The following ZFYVE1 variants were observed in gnomAD, a reference collection of about 807,000 sequenced individuals.
ZFYVE1 encodes zinc finger FYVE-type containing 1.
In ZFYVE1, 30 loss-of-function variants were observed where a neutral mutation model predicts 74.4. That is an observed-to-expected ratio of 0.40 (90% confidence interval 0.30 to 0.55). The LOEUF is 0.55. Among genes scored for constraint, ZFYVE1 ranks in the 20% least tolerant of loss-of-function variants. The pLI is 0.42. For missense variants in ZFYVE1, 703 were observed against 1,011.6 expected, an observed-to-expected ratio of 0.69 and a Z score of 4.14; for synonymous variants, 335 against 385.1, an observed-to-expected ratio of 0.87 and a Z score of 1.52.
chr14:73,017,630 T>G (rs894990997), intron 2 of ZFYVE1, among the ~76,000 whole-genome samples: 1 of 152,142 alleles, frequency 6.6e-6, no homozygotes, highest in Non-Finnish European at 1.5e-5. Flanking sequence ...GTTCTCCTAC[T>G]CCCTCACTCC....
chr14:72,986,621 C>G (rs1326657020), intron 4 of ZFYVE1, among the ~76,000 whole-genome samples: 1 of 146,520 alleles, frequency 6.8e-6, no homozygotes, highest in Non-Finnish European at 1.5e-5. Flanking sequence ...GGTGCAGTGG[C>G]GTGATCTTGG....
chr14:72,978,320 TTGTG>T, intron 6 of ZFYVE1, 86 bp from the exon 7 acceptor site: 1 of 1,334,496 alleles, frequency 7.5e-7, no homozygotes, highest in Non-Finnish European at 1.1e-6. Flanking sequence ...CCCAGGCTGG[TTGTG>T]AACTCCTGGG....
chr14:72,986,359 G>A (rs1242776692), intron 4 of ZFYVE1, among the ~76,000 whole-genome samples: 1 of 151,868 alleles, frequency 6.6e-6, no homozygotes, highest in East Asian at 1.9e-4. Flanking sequence ...TTGCATATGA[G>A]GTAAGAACAA....
In ZFYVE1 at chr14:72,969,652, A is replaced by C; in HGVS notation, c.*1230T>G. ...AACCCACCCACCAGTTCAGTTAAGA[A>C]TTATACTTTAATTCGTGTTTGGCCA... On this transcript the variant is annotated 3_prime_UTR_variant, in exon 12 of 12. Coordinates refer to ENST00000556143, the MANE Select transcript of ZFYVE1 (RefSeq NM_021260.4). 1 of 698,890 alleles carries C rather than the reference A, an allele frequency of 1.4e-6. No individual in the cohort carries two copies. The highest frequency in any genetic ancestry group is 2.6e-6 in the Non-Finnish European group (1 of 383,866). 43.3% of individuals were successfully genotyped at this position (698,890 alleles called of 1,614,324 possible).
At position 73,015,381 on chromosome 14, in the gene ZFYVE1, G is replaced by A. The variant is rs181282385; in HGVS notation, c.483+8645C>T. ...GGGGGAAAGGAAGAGGGGAAGGAAG[G>A]GGGGAAGGAAGAGGGGAAGGAAGGG... On this transcript the variant is annotated intron_variant, in intron 2 of 11. Transcript: ENST00000556143. Among the ~76,000 whole-genome samples, 62 of 15,632 alleles carry A rather than the reference G, an allele frequency of 4.0e-3. 2 individuals are homozygous for A. The highest frequency in any genetic ancestry group is 9.7e-3 in the South Asian group (2 of 206). 10.3% of individuals were successfully genotyped at this position (15,632 alleles called of 152,430 possible).
At chr14:73,022,992 G>A (rs1894349507) in intron 2 of ZFYVE1, among the ~76,000 whole-genome samples, 1 of 151,336 alleles carries the variant, frequency 6.6e-6, no homozygotes, top group Non-Finnish European at 1.5e-5. Context: ...GTGAACCCCC[G>A]TCTCTACTAA....
intron 4 of ZFYVE1, among the ~76,000 whole-genome samples, chr14:72,989,266 A>C (rs2140358797): frequency 6.6e-6 from 1 of 152,326 alleles, no homozygotes; most frequent in African/African-American, 2.4e-5. Flanking sequence ...TAAACTACTA[A>C]TAATGGTTAT....
chr14:73,004,164 C>T (rs1261247276), intron 2 of ZFYVE1, among the ~76,000 whole-genome samples: 2 of 152,094 alleles, frequency 1.3e-5, no homozygotes, highest in Non-Finnish European at 2.9e-5. Context: ...GCTGCTAAGT[C>T]GGCCAGCAAG....
At chr14:72,984,329 GAC>G (rs1893421878) in intron 4 of ZFYVE1, among the ~76,000 whole-genome samples, 1 of 152,148 alleles carries the variant, frequency 6.6e-6, no homozygotes, top group African/African-American at 2.4e-5. Context: ...AGGAGTTCGA[GAC>G]CAGCCTGTCC....
At chr14:73,018,800 C>T (rs1244987883) in intron 2 of ZFYVE1, among the ~76,000 whole-genome samples, 1 of 151,988 alleles carries the variant, frequency 6.6e-6, no homozygotes, top group East Asian at 1.9e-4. Flanking sequence ...AAAAACTAGC[C>T]AGGCGTGGTG....
At chr14:73,018,796 T>G (rs546493057) in intron 2 of ZFYVE1, among the ~76,000 whole-genome samples, 1 of 151,828 alleles carries the variant, frequency 6.6e-6, no homozygotes, top group African/African-American at 2.4e-5. Flanking sequence ...ACAAAAAAAC[T>G]AGCCAGGCGT....
intron 1 of ZFYVE1, among the ~76,000 whole-genome samples, 183 bp from the exon 2 acceptor site, chr14:73,025,125 A>G (rs969447815): frequency 3.3e-5 from 5 of 150,310 alleles, no homozygotes; most frequent in African/African-American, 1.2e-4. Context: ...CTGGAGTGCA[A>G]TGGGACAGTC....
At chr14:72,977,574 T>C (rs1893207681) in intron 8 of ZFYVE1, among the ~76,000 whole-genome samples, 1 of 151,952 alleles carries the variant, frequency 6.6e-6, no homozygotes. Context: ...TAAAATAGCA[T>C]TGTGAGGAAA....
At chr14:73,008,872 G>GA (rs1483404579) in intron 2 of ZFYVE1, among the ~76,000 whole-genome samples, 3 of 152,148 alleles carry the variant, frequency 2.0e-5, no homozygotes, top group African/African-American at 4.8e-5. Context: ...AACCAGGCTA[G>GA]AAAAGAGAGT....
rs1191408397 is a variant in ZFYVE1, at chr14:73,024,222, T to C, written c.287A>G (p.Lys96Arg). 1 of 1,614,184 alleles carries C rather than the reference T, an allele frequency of 6.2e-7. No individual in the cohort carries two copies. Among genetic ancestry groups the C allele is most frequent in the South Asian group, 1.1e-5 (1 of 91,080 alleles). The change falls in exon 2 of 12, where the codon AAA (lysine) becomes AGA (arginine). Residue 96 changes from lysine to arginine, a missense_variant. This residue lies in a region of ZFYVE1 where 211 missense variants were observed against 221.7 expected (regional missense o/e 0.95). Coordinates refer to ENST00000556143, the MANE Select transcript of ZFYVE1 (RefSeq NM_021260.4). ...CTGGCACTCCAGGCACAAGTTAATT[T>C]TGCAGGTCTGGCACCTCACTATTGC... is the stretch of plus-strand genomic sequence containing the variant. ...QRAIVRCQTC[K>R]INLCLECQKR...
intron 5 of ZFYVE1, chr14:72,979,201 G>A: frequency 2.2e-6 from 1 of 463,454 alleles, no homozygotes. Context: ...TGAGGACACA[G>A]GGGAAAAAGA....
chr14:72,981,648 C>A, intron 5 of ZFYVE1, 141 bp downstream of exon 5: 1 of 759,304 alleles, frequency 1.3e-6, no homozygotes, highest in Non-Finnish European at 2.2e-6. Flanking sequence ...TGGGAGTGTA[C>A]CATTTTGGAT....
chr14:73,014,599 C>T (rs1344453754), intron 2 of ZFYVE1, among the ~76,000 whole-genome samples: 1 of 152,124 alleles, frequency 6.6e-6, no homozygotes, highest in African/African-American at 2.4e-5. Flanking sequence ...CATATTCTGA[C>T]CAGAACTTGC....
intron 1 of ZFYVE1, among the ~76,000 whole-genome samples, chr14:73,025,946 G>T (rs1405181343): frequency 6.6e-6 from 1 of 152,052 alleles, no homozygotes; most frequent in Non-Finnish European, 1.5e-5. Flanking sequence ...CAAAGCTAAT[G>T]AAAATGTAAT....
Sources: gnomAD v4.1 joint callset for allele counts (sites outside exome capture counted in the v4.1 genomes callset) on GRCh38, gnomAD v4.1.1 for gene constraint, gnomAD v4.1.1 regional missense constraint, MANE v1.5 for transcripts, NCBI Gene and HGNC (gene_info 2026-07-23, HGNC 2026-07-21) for gene names.